NT5DC1: variants seen among roughly 807,000 people sequenced by gnomAD.
NT5DC1 encodes the protein 5'-nucleotidase domain-containing protein 1.
NT5DC1 carries 42 observed loss-of-function variants against 59.4 expected under a neutral mutation model. That is an observed-to-expected ratio of 0.71 (90% CI 0.55 to 0.92). NT5DC1 has a LOEUF of 0.92. Among genes scored for constraint, NT5DC1 ranks in the 40% least tolerant of loss-of-function variants. The pLI, the probability that NT5DC1 is intolerant of heterozygous loss-of-function variation, is 0.00. For missense variants in NT5DC1, 501 were observed against 537.1 expected, an observed-to-expected ratio of 0.93 and a Z score of 0.66; for synonymous variants, 172 against 188.1, an observed-to-expected ratio of 0.91 and a Z score of 0.70.
intron 1 of NT5DC1, among the ~76,000 whole-genome samples, chr6:116,105,182 T>C (rs1028501219): frequency 6.6e-6 from 1 of 152,134 alleles, no homozygotes; most frequent in African/African-American, 2.4e-5. Context: ...ATCCTGACAC[T>C]CAGACCCCGA....
intron 6 of NT5DC1, among the ~76,000 whole-genome samples, chr6:116,191,047 AGTT>A (rs1013187118): frequency 3.3e-5 from 5 of 152,112 alleles, no homozygotes; most frequent in Admixed American, 2.6e-4. Flanking sequence ...TTGCACAGTG[AGTT>A]GTTGTTAGAA....
chr6:116,221,035 T>G lies in NT5DC1; in HGVS notation c.530-19T>G. On this transcript the variant is annotated intron_variant, in intron 6 of 11. Coordinates refer to ENST00000319550, the MANE Select transcript of NT5DC1 (RefSeq NM_152729.3). ...AAATGTTTAAAAAGAAAAACCTCAT[T>G]GATATTTTTATTTTTCAGAAAACTG... The G allele has an allele frequency of 8.3e-7, 1 of 1,210,336 alleles. No individual in the cohort carries two copies. The highest frequency in any genetic ancestry group is 1.2e-6 in the Non-Finnish European group (1 of 838,570). The allele number at this position is 1,210,336 out of a possible 1,614,324, so 75.0% of individuals were successfully genotyped here.
chr6:116,156,547 G>A lies in NT5DC1; in HGVS notation c.529+38602G>A, dbSNP rs151080463. On this transcript the variant is annotated intron_variant, in intron 6 of 11. Transcript: ENST00000319550. ...GGGCAAAGTAAGGGAAGAGGAGACC[G>A]ATTACATGTGCTAATTGCAGATATA... 8.5e-5 allele frequency among the ~76,000 whole-genome samples: 13 copies of A among 152,318 alleles called. No individual in the cohort carries two copies. In the East Asian group the frequency reaches 1.5e-3, roughly 18 times the overall value.
intron 6 of NT5DC1, among the ~76,000 whole-genome samples, chr6:116,127,133 G>A (rs1779337824): frequency 6.6e-6 from 1 of 152,124 alleles, no homozygotes; most frequent in Non-Finnish European, 1.5e-5. Context: ...TCCATACACA[G>A]GCATAGACAC....
chr6:116,106,219 C>T (rs1420070805), intron 1 of NT5DC1, 25 bp from the exon 2 acceptor site: 10 of 1,102,522 alleles, frequency 9.1e-6, no homozygotes, highest in Non-Finnish European at 1.4e-5. Flanking sequence ...TATATTTAAT[C>T]TGTTTTTCTT....
chr6:116,147,030 CAGAA>C (rs771497335), intron 6 of NT5DC1, among the ~76,000 whole-genome samples: 72 of 149,450 alleles, frequency 4.8e-4, no homozygotes, highest in Non-Finnish European at 9.2e-4. Flanking sequence ...ATCATGTAGT[CAGAA>C]AGCCTTTGAA....
chr6:116,162,358 T>C (rs1293383274), intron 6 of NT5DC1, among the ~76,000 whole-genome samples: 1 of 152,220 alleles, frequency 6.6e-6, no homozygotes, highest in Non-Finnish European at 1.5e-5. Flanking sequence ...TTGGTCCAGT[T>C]CTTAAAGGAA....
In NT5DC1 at chr6:116,205,335, CT is replaced by C. The variant is rs886641173; in HGVS notation, c.530-15710del. The stretch of plus-strand genomic sequence containing the variant: ...AGTACTATTTAGAGAAGACTTCAGA[CT>C]TTTTTTTTATGTTTCAAAATTTAGA... On this transcript the variant is annotated intron_variant, in intron 6 of 11. Coordinates refer to ENST00000319550, the MANE Select transcript of NT5DC1 (RefSeq NM_152729.3). Among the ~76,000 whole-genome samples the C allele has an allele frequency of 9.3e-5, 14 of 151,088 alleles. 1 individual carries two copies. The highest frequency in any genetic ancestry group is 3.9e-4 in the East Asian group (2 of 5,126).
rs6922412 is a variant in NT5DC1, at chr6:116,189,229, A to G, written c.530-31825A>G. Among the ~76,000 whole-genome samples the G allele has an allele frequency of 9.4e-3, 1,429 of 151,844 alleles. 18 individuals are homozygous for G. Among genetic ancestry groups the G allele is most frequent in the African/African-American group, 0.032 (1,313 of 41,480 alleles). On this transcript the variant is annotated intron_variant, in intron 6 of 11. Transcript: ENST00000319550. The stretch of plus-strand genomic sequence containing the variant: ...AAATTGTAATAAAAGTTTTACTTCT[A>G]TTTATTAACTGGTACTTTTTTCTCT...
chr6:116,120,664 G>GC (rs781150080), intron 6 of NT5DC1: 2 of 1,544,886 alleles, frequency 1.3e-6, no homozygotes, highest in East Asian at 4.5e-5. Flanking sequence ...GTCCATTGAG[G>GC]CCCTTAGTTG....
At chr6:116,212,720 G>A (rs1178854407) in intron 6 of NT5DC1, among the ~76,000 whole-genome samples, 1 of 151,934 alleles carries the variant, frequency 6.6e-6, no homozygotes, top group Non-Finnish European at 1.5e-5. Context: ...AAACATCCCA[G>A]GATATTCATT....
At chr6:116,227,889 T>C (rs1185791200) in intron 8 of NT5DC1, among the ~76,000 whole-genome samples, 1 of 152,244 alleles carries the variant, frequency 6.6e-6, no homozygotes, top group Admixed American at 6.5e-5. Flanking sequence ...TTTGCAAATA[T>C]TTTCTACCAT....
At chr6:116,148,925 T>G (rs551692333) in intron 6 of NT5DC1, among the ~76,000 whole-genome samples, 81 of 152,232 alleles carry the variant, frequency 5.3e-4, no homozygotes, top group Non-Finnish European at 8.4e-4. Context: ...AAGTTACAGC[T>G]TATTCCAAGA....
chr6:116,156,907 C>T (rs1464093206), intron 6 of NT5DC1, among the ~76,000 whole-genome samples: 1 of 152,192 alleles, frequency 6.6e-6, no homozygotes, highest in Non-Finnish European at 1.5e-5. Context: ...AGGAGCCCAG[C>T]TTGTGTAAGT....
chr6:116,182,233 G>GTGTGTGTGTGTGTGTGTA (rs1562154219), intron 6 of NT5DC1, among the ~76,000 whole-genome samples: 6 of 151,510 alleles, frequency 4.0e-5, no homozygotes, highest in African/African-American at 1.2e-4. Context: ...GTGTGTGTGT[G>GTGTGTGTGTGTGTGTGTA]TGTGTGTGTG....
In NT5DC1 at chr6:116,100,864, G is replaced by C; in HGVS notation, c.-67G>C. 7.9e-7 allele frequency: 1 copy of C among 1,264,092 alleles called. No individual in the cohort carries two copies. Among genetic ancestry groups the C allele is most frequent in the Non-Finnish European group, 1.1e-6 (1 of 913,796 alleles). 78.3% of individuals were successfully genotyped at this position (1,264,092 alleles called of 1,614,324 possible). A position where few individuals can be genotyped will look rare whatever the true frequency, so the allele number is the denominator to read the frequency against. ...GCGTCCGGCCCGGTCCTGTCCCGCA[G>C]CGTCCCGCCAGCCAGCTCCTTGCAC... On this transcript the variant is annotated 5_prime_UTR_variant, in exon 1 of 12. Transcript: ENST00000319550.
At chr6:116,148,805 G>T (rs1034933014) in intron 6 of NT5DC1, among the ~76,000 whole-genome samples, 1 of 151,966 alleles carries the variant, frequency 6.6e-6, no homozygotes, top group African/African-American at 2.4e-5. Context: ...ATTTTGAGTG[G>T]GTTACAGGTA....
chr6:116,235,024 A>T (rs1582886356), intron 8 of NT5DC1, among the ~76,000 whole-genome samples: 1 of 125,208 alleles, frequency 8.0e-6, no homozygotes, highest in South Asian at 2.9e-4. Flanking sequence ...TTTTGTTTTG[A>T]CTTGATTTGG....
Position 116,121,946 on chromosome 6 carries a change from C to T in NT5DC1, c.529+4001C>T, listed in dbSNP as rs766110843. 21 of 1,612,618 alleles carry T rather than the reference C, an allele frequency of 1.3e-5. No individual in the cohort carries two copies. Among genetic ancestry groups the T allele is most frequent in the African/African-American group, 4.0e-5 (3 of 74,872 alleles). ...TGGTGGACCAGGAGTACCTTGCTCT[C>T]CTCTTACTGCTATACCTAAAAGACA... On this transcript the variant is annotated intron_variant, in intron 6 of 11. Coordinates refer to ENST00000319550, the MANE Select transcript of NT5DC1 (RefSeq NM_152729.3).
Sources: gnomAD v4.1 joint callset for allele counts (sites outside exome capture counted in the v4.1 genomes callset) on GRCh38, gnomAD v4.1.1 for gene constraint, MANE v1.5 for transcripts, NCBI Gene and HGNC (gene_info 2026-07-23, HGNC 2026-07-21) for gene names.